The following PRDM11 variants were observed in gnomAD, a reference collection of about 807,000 sequenced individuals.
PRDM11 encodes PR domain-containing protein 11.
In PRDM11, 20 loss-of-function variants were observed where a neutral mutation model predicts 97.8. The ratio of observed to expected loss-of-function variants is 0.20; its 90% CI spans 0.14 to 0.30. PRDM11 has a LOEUF of 0.30. Ranked by LOEUF, PRDM11 falls within the 10% of genes least tolerant of loss-of-function variation. The probability of loss-of-function intolerance (pLI) is 1.00; values close to 1 mark genes in which losing one functional copy is unlikely to be tolerated. For synonymous variants in PRDM11, 599 were observed against 637.7 expected, an observed-to-expected ratio of 0.94 and a Z score of 0.91; for missense variants, 1,139 against 1,555.2, an observed-to-expected ratio of 0.73 and a Z score of 4.50.
In PRDM11 at chr11:45,227,172, C is replaced by G. The variant is rs1200914438; in HGVS notation, c.2547C>G (p.Leu849=). 1 of 1,534,000 alleles carries G rather than the reference C, an allele frequency of 6.5e-7. No individual in the cohort carries two copies. Among genetic ancestry groups the G allele is most frequent in the Non-Finnish European group, 8.7e-7 (1 of 1,146,736 alleles). The change falls in exon 8 of 8, where the codon CTC becomes CTG. Residue 849 remains leucine, a synonymous_variant. Coordinates refer to ENST00000683152, the MANE Select transcript of PRDM11 (RefSeq NM_001384648.1). This position sits in a 1 kb window ranked among gnomAD's most constrained non-coding sequence, Gnocchi z 8.0. ...ACTACCTGGAGGTGGTGGCCCATCT[C>G]AAGGAGGTCAGCAGCCAGACCCAGC... ...IKDYLEVVAH[L]KEVSSQTQRA... is the part of the protein sequence containing the mutation.
Position 45,202,828 on chromosome 11 carries a change from C to T in PRDM11, c.487-1883C>T, listed in dbSNP as rs11038351. ...GCACAGGGTTGTCAGCTGCATTCTT[C>T]TTTATAATTTCTGAATGCTTGAAAT... On this transcript the variant is annotated intron_variant, in intron 4 of 7. Transcript: ENST00000683152. 4.4e-3 allele frequency among the ~76,000 whole-genome samples: 666 copies of T among 152,210 alleles called. 6 individuals are homozygous for T. Among genetic ancestry groups the T allele is most frequent in the African/African-American group, 0.015 (619 of 41,514 alleles).
At chr11:45,146,999 C>T (rs1379407770) in intron 1 of PRDM11, 122 bp downstream of exon 1, 1 of 142,108 alleles carries the variant, frequency 7.0e-6, no homozygotes. Context: ...GGGGCGGGGG[C>T]GGCCGGGGGT....
chr11:45,176,171 C>T (rs1332448579), intron 1 of PRDM11, among the ~76,000 whole-genome samples: 6 of 152,132 alleles, frequency 3.9e-5, no homozygotes, highest in African/African-American at 1.2e-4. Context: ...GTCAGGAGTT[C>T]GAGACCAGTG....
Position 45,224,343 on chromosome 11 carries a change from G to A in PRDM11, c.869G>A (p.Gly290Glu), listed in dbSNP as rs992577928. The A allele has an allele frequency of 4.0e-5, 64 of 1,613,992 alleles. No homozygotes were observed. The highest frequency in any genetic ancestry group is 5.3e-5 in the Non-Finnish European group (63 of 1,180,034). Residue 290 changes from glycine to glutamate, a missense_variant, in exon 7 of 8, where the codon GGG (glycine) becomes GAG (glutamate). By Grantham distance (98) the Gly-to-Glu change is moderately conservative. Transcript: ENST00000683152. ...CCCTACAAGCGTGGCTTTGATGAGG[G>A]GGATGTACACCCCCAAGCTAAGAAG... ...KSPYKRGFDE[G>E]DVHPQAKKKK...
intron 5 of PRDM11, chr11:45,213,018 C>T (rs1353530662): frequency 7.3e-6 from 3 of 410,744 alleles, no homozygotes; most frequent in South Asian, 5.3e-5. Flanking sequence ...ACTACCAGGT[C>T]TCGGAAGAGA....
chr11:45,173,622 CA>C (rs1163035481), intron 1 of PRDM11, among the ~76,000 whole-genome samples: 6,817 of 68,368 alleles, frequency 0.1, 329 homozygotes, highest in African/African-American at 0.25. Flanking sequence ...AACACCGCGT[CA>C]AAAAAAAAAA....
intron 1 of PRDM11, among the ~76,000 whole-genome samples, chr11:45,122,953 C>T (rs893931314): frequency 1.3e-5 from 2 of 152,088 alleles, no homozygotes; most frequent in African/African-American, 4.8e-5. Flanking sequence ...TTTACTAGTC[C>T]CACCAACAGT....
intron 5 of PRDM11, chr11:45,212,533 T>A (rs1273256468): frequency 2.2e-6 from 1 of 455,448 alleles, no homozygotes; most frequent in South Asian, 1.6e-5. Flanking sequence ...TGCAGCGGTC[T>A]CCGGAGGAAG....
intron 4 of PRDM11, among the ~76,000 whole-genome samples, chr11:45,190,005 C>G (rs780583612): frequency 2.0e-5 from 3 of 152,134 alleles, no homozygotes; most frequent in Non-Finnish European, 4.4e-5. Flanking sequence ...GTTGCAAACT[C>G]GGTTGAAAAG....
chr11:45,153,909 G>T (rs1851724346), intron 1 of PRDM11, among the ~76,000 whole-genome samples: 1 of 152,144 alleles, frequency 6.6e-6, no homozygotes, highest in Non-Finnish European at 1.5e-5. Context: ...GGAACCTTGG[G>T]GCTCAGAGAG....
intron 1 of PRDM11, among the ~76,000 whole-genome samples, chr11:45,166,119 G>T (rs1198596347): frequency 6.6e-6 from 1 of 152,202 alleles, no homozygotes; most frequent in Non-Finnish European, 1.5e-5. Context: ...TCAAAAAATG[G>T]AATTTATGGG....
chr11:45,142,396 A>G (rs1370990736), upstream of PRDM11, among the ~76,000 whole-genome samples: 1 of 148,090 alleles, frequency 6.8e-6, no homozygotes, highest in Non-Finnish European at 1.5e-5. Flanking sequence ...CTGCTACTCA[A>G]CTCTTGGTGG....
At chr11:45,192,335 A>G (rs1852945191) in intron 4 of PRDM11, among the ~76,000 whole-genome samples, 1 of 152,228 alleles carries the variant, frequency 6.6e-6, no homozygotes, top group Non-Finnish European at 1.5e-5. Context: ...TTGATTCAAT[A>G]TCAGCTTTTC....
At chr11:45,112,844 GAT>G (rs896417828) in intron 1 of PRDM11, among the ~76,000 whole-genome samples, 2 of 151,866 alleles carry the variant, frequency 1.3e-5, no homozygotes, top group African/African-American at 4.8e-5. Context: ...GCAGATTCTG[GAT>G]ATGAGTCCTT....
intron 1 of PRDM11, among the ~76,000 whole-genome samples, chr11:45,107,856 G>A (rs1188279410): frequency 6.7e-6 from 1 of 149,116 alleles, no homozygotes; most frequent in Non-Finnish European, 1.5e-5. Flanking sequence ...GTGAGACAGA[G>A]TCTCGCTCTG....
chr11:45,108,005 G>A (rs958479348), intron 1 of PRDM11, among the ~76,000 whole-genome samples: 3 of 151,890 alleles, frequency 2.0e-5, no homozygotes, highest in African/African-American at 4.8e-5. Flanking sequence ...AACTTATTTT[G>A]TGTGTGTATT....
At chr11:45,129,747 A>G (rs906238005) in intron 1 of PRDM11, among the ~76,000 whole-genome samples, 1 of 152,190 alleles carries the variant, frequency 6.6e-6, no homozygotes, top group Non-Finnish European at 1.5e-5. Flanking sequence ...TGACATCTCA[A>G]TCAAAATACT....
At chr11:45,184,915 G>GGAA in intron 4 of PRDM11, among the ~76,000 whole-genome samples, 1 of 152,138 alleles carries the variant, frequency 6.6e-6, no homozygotes, top group South Asian at 2.1e-4. Context: ...AGCAAGCTTT[G>GGAA]AGGGACTTTA....
At position 45,224,666 on chromosome 11, in the gene PRDM11, C is replaced by G. The variant is rs1203684172; in HGVS notation, c.1192C>G (p.Leu398Val). 6.2e-7 allele frequency: 1 copy of G among 1,614,152 alleles called. No homozygotes were observed. The highest frequency in any genetic ancestry group is 8.5e-7 in the Non-Finnish European group (1 of 1,180,020). The part of the protein sequence containing the change: ...FKADSPAEAS[L>V]ASDPHELPTT... ...GGCCGACAGTCCTGCCGAGGCCTCC[C>G]TTGCATCTGACCCTCATGAACTTCC... The change falls in exon 7 of 8, where the codon CTT becomes GTT. Residue 398 changes from leucine (L) to valine (V), a missense_variant. Leu to Val is a conservative substitution (Grantham distance 32). Coordinates refer to ENST00000683152, the MANE Select transcript of PRDM11 (RefSeq NM_001384648.1).
Sources: gnomAD v4.1 joint callset for allele counts (sites outside exome capture counted in the v4.1 genomes callset) on GRCh38, gnomAD v4.1.1 for gene constraint, Gnocchi (gnomAD v3.1) non-coding constraint, MANE v1.5 for transcripts, NCBI Gene and HGNC (gene_info 2026-07-23, HGNC 2026-07-21) for gene names.